The following GRHL2 variants were observed in gnomAD, a reference collection of about 807,000 sequenced individuals.
The protein encoded by GRHL2 is grainyhead-like protein 2 homolog.
Under a neutral mutation model 83.8 loss-of-function variants are expected in GRHL2, and 21 were observed. That is an observed-to-expected ratio of 0.25 (90% CI 0.18 to 0.36). The LOEUF (loss-of-function observed/expected upper bound fraction) is 0.36. Ranked by LOEUF, GRHL2 falls within the 10% of genes least tolerant of loss-of-function variation. The pLI, the probability that GRHL2 is intolerant of heterozygous loss-of-function variation, is 1.00. For missense variants in GRHL2, 623 were observed against 781.8 expected, an observed-to-expected ratio of 0.80 and a Z score of 2.42; for synonymous variants, 280 against 278.9, an observed-to-expected ratio of 1.00 and a Z score of -0.04.
At chr8:101,619,113 C>T (rs1209365656) in intron 8 of GRHL2, among the ~76,000 whole-genome samples, 3 of 152,020 alleles carry the variant, frequency 2.0e-5, no homozygotes, top group South Asian at 2.1e-4. Flanking sequence ...ATTAGCCAGA[C>T]GTGGTGGCAG....
chr8:101,620,479 T>A (rs1484339519), intron 9 of GRHL2, among the ~76,000 whole-genome samples: 1 of 152,216 alleles, frequency 6.6e-6, no homozygotes, highest in Non-Finnish European at 1.5e-5. Context: ...GAAATAGCAC[T>A]TATAAAATAA....
chr8:101,516,545 G>C (rs1163765295), intron 1 of GRHL2, among the ~76,000 whole-genome samples: 1 of 150,924 alleles, frequency 6.6e-6, no homozygotes, highest in Non-Finnish European at 1.5e-5. Flanking sequence ...AGCTTCCCAA[G>C]TAGCTGGGAC....
chr8:101,673,838 A>G (rs906919808), downstream of GRHL2, among the ~76,000 whole-genome samples: 5 of 152,138 alleles, frequency 3.3e-5, no homozygotes, highest in Admixed American at 3.3e-4. Context: ...GTAAAAGAAC[A>G]GAAATTATAA....
At chr8:101,649,520 A>T in intron 14 of GRHL2, 21 bp downstream of exon 14, 1 of 1,582,632 alleles carries the variant, frequency 6.3e-7, no homozygotes, top group South Asian at 1.1e-5. Context: ...TACTCCTTTC[A>T]GCCTCCAGGA....
intron 2 of GRHL2, among the ~76,000 whole-genome samples, chr8:101,547,187 G>C (rs537908118): frequency 2.0e-5 from 3 of 152,218 alleles, no homozygotes; most frequent in Non-Finnish European, 4.4e-5. Context: ...CTTGAGGATA[G>C]ACCTTTTTCT....
chr8:101,573,902 C>T, intron 6 of GRHL2, 78 bp downstream of exon 6: 1 of 1,499,222 alleles, frequency 6.7e-7, no homozygotes, highest in Non-Finnish European at 9.3e-7. Context: ...TGTGGAATGG[C>T]ATGGAAAAAA....
At chr8:101,567,058 G>T (rs189798475) in intron 4 of GRHL2, among the ~76,000 whole-genome samples, 1 of 152,162 alleles carries the variant, frequency 6.6e-6, no homozygotes, top group East Asian at 1.9e-4. Context: ...ACAAGAAATG[G>T]TTTAGCAATT....
intron 1 of GRHL2, among the ~76,000 whole-genome samples, chr8:101,499,479 A>G (rs1810179074): frequency 6.6e-6 from 1 of 151,648 alleles, no homozygotes; most frequent in African/African-American, 2.4e-5. Context: ...TGAGAACTGC[A>G]CAGCTTCTGC....
At position 101,570,409 on chromosome 8, in the gene GRHL2, G is replaced by T; in HGVS notation, c.734+15G>T. 6.2e-7 allele frequency: 1 copy of T among 1,603,644 alleles called. No individual in the cohort carries two copies. The highest frequency in any genetic ancestry group is 1.7e-4 in the Middle Eastern group (1 of 6,044). ...CAGACATCAAGGTGAGTTACCAGGA[G>T]ATGCATCCTTAGAAACTGATTAACT... is the stretch of plus-strand genomic sequence containing the variant. On this transcript the variant is annotated intron_variant, in intron 5 of 15. Coordinates refer to ENST00000646743, the MANE Select transcript of GRHL2 (RefSeq NM_024915.4).
intron 3 of GRHL2, among the ~76,000 whole-genome samples, chr8:101,554,620 G>A (rs550307690): frequency 6.6e-6 from 1 of 152,278 alleles, no homozygotes; most frequent in Admixed American, 6.5e-5. Flanking sequence ...GGATGTCATT[G>A]TGATCTGCAG....
intron 12 of GRHL2, among the ~76,000 whole-genome samples, chr8:101,637,277 C>T (rs1374546636): frequency 1.3e-5 from 2 of 152,122 alleles, no homozygotes; most frequent in Non-Finnish European, 2.9e-5. Flanking sequence ...TATTGTTTGG[C>T]CCCAACACAA....
chr8:101,514,694 A>C (rs1159373158), intron 1 of GRHL2, among the ~76,000 whole-genome samples: 1 of 152,164 alleles, frequency 6.6e-6, no homozygotes, highest in African/African-American at 2.4e-5. Flanking sequence ...ACAAAGTGAA[A>C]GTTTCCTAAC....
At chr8:101,532,823 G>A (rs1810965565) in intron 1 of GRHL2, among the ~76,000 whole-genome samples, 2 of 151,878 alleles carry the variant, frequency 1.3e-5, no homozygotes, top group South Asian at 4.2e-4. Flanking sequence ...GTGTGTGTGT[G>A]TGAGAGAGAG....
intron 1 of GRHL2, among the ~76,000 whole-genome samples, chr8:101,506,025 A>G (rs993036002): frequency 7.2e-5 from 11 of 152,230 alleles, no homozygotes; most frequent in African/African-American, 2.7e-4. Context: ...TGATGTTGTC[A>G]TTGTAGCAAA....
chr8:101,653,365 AC>A (rs2129719502), intron 14 of GRHL2, among the ~76,000 whole-genome samples: 1 of 152,208 alleles, frequency 6.6e-6, no homozygotes, highest in East Asian at 1.9e-4. Flanking sequence ...ATTATGCTTG[AC>A]CTCAGGCCAT....
At chr8:101,590,040 G>T (rs1812246513) in intron 7 of GRHL2, among the ~76,000 whole-genome samples, 1 of 152,052 alleles carries the variant, frequency 6.6e-6, no homozygotes, top group Non-Finnish European at 1.5e-5. Flanking sequence ...AAGATACCAA[G>T]AAAAACTGTC....
At chr8:101,527,474 T>C (rs1224827668) in intron 1 of GRHL2, among the ~76,000 whole-genome samples, 1 of 152,196 alleles carries the variant, frequency 6.6e-6, no homozygotes, top group Non-Finnish European at 1.5e-5. Context: ...GCACTGGAAT[T>C]ATAGCTATGA....
At chr8:101,499,185 C>G in intron 1 of GRHL2, among the ~76,000 whole-genome samples, 1 of 151,972 alleles carries the variant, frequency 6.6e-6, no homozygotes, top group East Asian at 1.9e-4. Context: ...ACAGAAGATT[C>G]AAATCAGATT....
At chr8:101,502,752 TTCC>T (rs1039743673) in intron 1 of GRHL2, among the ~76,000 whole-genome samples, 14 of 151,128 alleles carry the variant, frequency 9.3e-5, no homozygotes, top group Admixed American at 9.2e-4. Context: ...CCTCCTCCTC[TTCC>T]TCCTATTCTT....
Sources: allele counts gnomAD v4.1 joint callset (sites outside exome capture counted in the v4.1 genomes callset), GRCh38; gene constraint gnomAD v4.1.1; transcripts MANE v1.5; gene names NCBI Gene and HGNC (gene_info 2026-07-23, HGNC 2026-07-21).